The following PIK3R6 variants were observed in gnomAD, a reference collection of about 807,000 sequenced individuals.
PIK3R6 encodes phosphoinositide-3-kinase regulatory subunit 6.
Under a neutral mutation model 84.9 loss-of-function variants are expected in PIK3R6, and 91 were observed. The observed-to-expected ratio is 1.07, with a 90% CI of 0.90 to 1.28. The LOEUF is 1.28. Among genes scored for constraint, PIK3R6 ranks in the 50% most tolerant of loss-of-function variants. The pLI is 0.00. For missense variants in PIK3R6, 996 were observed against 985.1 expected (o/e 1.01, Z -0.15); for synonymous variants, 416 against 411.4 (o/e 1.01, Z -0.13).
rs1233071094 is a variant in PIK3R6 at position 8,830,383 on chromosome 17, G to A, written c.803-591C>T. Among the ~76,000 whole-genome samples, 5 of 152,182 alleles carry A rather than the reference G, an allele frequency of 3.3e-5. No individual in the cohort carries two copies. The South Asian group carries it at 1.0e-3, about 32-fold the overall frequency. ...TTTTCTGACCACTCCAGTGGCCCGC[G>A]GTGGTCATTCCCTCCGAGCAGACTG... is the stretch of plus-strand genomic sequence containing the variant. On this transcript the variant is annotated intron_variant, in intron 9 of 19. Transcript: ENST00000619866.
At chr17:8,864,527 C>CTGTTTTTTTTTTTTTTTTTTTTTTTTTTT (rs1491472760) in intron 1 of PIK3R6, among the ~76,000 whole-genome samples, 1 of 126,878 alleles carries the variant, frequency 7.9e-6, no homozygotes, top group African/African-American at 3.2e-5. Context: ...TCCTTCACAG[C>CTGTTTTTTTTTTTTTTTTTTTTTTTTTTT]TCTTTTTTTT....
Position 8,803,412 on chromosome 17 carries a change from C to G in PIK3R6, c.2126G>C (p.Cys709Ser), listed in dbSNP as rs578240540. The stretch of plus-strand genomic sequence containing the variant: ...CTGGGCCCCAGAACATGGTTCTGGG[C>G]AGGGAGCAACCTCGAATCTGTGGGT... ...RDVVRFEVAP[C>S]PEPCSGAQKS... Residue 709 changes from cysteine (C) to serine (S), a missense_variant, in exon 20 of 20, where the codon TGC becomes TCC. Coordinates refer to ENST00000619866, the MANE Select transcript of PIK3R6 (RefSeq NM_001010855.4). This position sits in a 1 kb window ranked among gnomAD's most constrained non-coding sequence, Gnocchi z 5.0. 1 of 1,608,104 alleles carries G rather than the reference C, an allele frequency of 6.2e-7. No homozygotes were observed. The highest frequency in any genetic ancestry group is 1.1e-5 in the South Asian group (1 of 90,158).
intron 1 of PIK3R6, among the ~76,000 whole-genome samples, chr17:8,857,277 T>C (rs1430722709): frequency 1.3e-5 from 2 of 152,150 alleles, no homozygotes; most frequent in Non-Finnish European, 2.9e-5. Flanking sequence ...CAGTGGACAA[T>C]GAATACCTAT....
In PIK3R6 at chr17:8,862,245, T is replaced by C. The variant is rs184772649; in HGVS notation, c.-92+5284A>G. On this transcript the variant is annotated intron_variant, in intron 1 of 19. Coordinates refer to ENST00000619866, the MANE Select transcript of PIK3R6 (RefSeq NM_001010855.4). This position sits in a 1 kb window ranked among gnomAD's most constrained non-coding sequence, Gnocchi z 4.3. ...GCTCCCCATGGGAAGGGGCTCCATT[T>C]TGCTCACTGTTGAGTCCCCATTACC... Among the ~76,000 whole-genome samples the C allele has an allele frequency of 7.3e-4, 111 of 152,274 alleles. No individual in the cohort carries two copies. Among genetic ancestry groups the C allele is most frequent in the African/African-American group, 2.6e-3 (107 of 41,550 alleles).
chr17:8,835,473 AG>A lies in PIK3R6; in HGVS notation c.462-18del. The stretch of plus-strand genomic sequence containing the variant: ...AGGAACACTCTGAGGGCAGAAGCAG[AG>A]GGGAGAGGTGGGATTGATAGTAACT... On this transcript the variant is annotated intron_variant, in intron 7 of 19. Transcript: ENST00000619866. 6.5e-7 allele frequency: 1 copy of A among 1,532,724 alleles called. No individual in the cohort carries two copies. 94.9% of individuals were successfully genotyped at this position (1,532,724 alleles called of 1,614,324 possible). A position where few individuals can be genotyped will look rare whatever the true frequency, so the allele number is the denominator to read the frequency against.
At chr17:8,827,484 T>C (rs1468853446) in intron 12 of PIK3R6, among the ~76,000 whole-genome samples, 190 bp from the exon 13 acceptor site, 1 of 152,190 alleles carries the variant, frequency 6.6e-6, no homozygotes, top group Admixed American at 6.5e-5. Flanking sequence ...TTTGCTGAGG[T>C]TCACTCAGCA....
In PIK3R6 at chr17:8,803,098, G is replaced by T. The variant is rs563163408; in HGVS notation, c.*175C>A. 103 of 717,450 alleles carry T rather than the reference G, an allele frequency of 1.4e-4. 2 individuals carry two copies. In the South Asian group the frequency reaches 1.6e-3, roughly 11 times the overall value. The allele number at this position is 717,450 out of a possible 1,614,324, so 44.4% of individuals were successfully genotyped here. ...GGGCCATCCGTAGACCTCCATGTGG[G>T]CCCTTCCTCATCACAGTCCCCAGGG... On this transcript the variant is annotated 3_prime_UTR_variant, in exon 20 of 20. Transcript: ENST00000619866. The surrounding 1 kb of genome is among the most constrained non-coding windows in gnomAD (Gnocchi z 5.0).
At position 8,803,056 on chromosome 17, in the gene PIK3R6, C is replaced by G. The variant is rs2087085993; in HGVS notation, c.*217G>C. 14 of 567,680 alleles carry G rather than the reference C, an allele frequency of 2.5e-5. No individual in the cohort carries two copies. The South Asian group carries it at 2.9e-4, about 12-fold the overall frequency. 35.2% of individuals were successfully genotyped at this position (567,680 alleles called of 1,614,324 possible). ...TGGGCTTGGTGTGTATGTTCTCAAG[C>G]AGCGACAGCATTGCCTGGGCCATCC... is the stretch of plus-strand genomic sequence containing the variant. On this transcript the variant is annotated 3_prime_UTR_variant, in exon 20 of 20. Coordinates refer to ENST00000619866, the MANE Select transcript of PIK3R6 (RefSeq NM_001010855.4). The surrounding 1 kb of genome is among the most constrained non-coding windows in gnomAD (Gnocchi z 5.0).
At chr17:8,826,769 A>C (rs1459841056) in intron 13 of PIK3R6, among the ~76,000 whole-genome samples, 1 of 152,182 alleles carries the variant, frequency 6.6e-6, no homozygotes, top group Non-Finnish European at 1.5e-5. Context: ...TGTTCTGCAC[A>C]TGTATCCCAG....
rs1344782685 is a variant in PIK3R6, at chr17:8,822,594, T to A, written c.1781A>T (p.Tyr594Phe). 1.2e-6 allele frequency: 2 copies of A among 1,613,956 alleles called. No individual in the cohort carries two copies. Among genetic ancestry groups the A allele is most frequent in the Admixed American group, 3.3e-5 (2 of 60,028 alleles). The change falls in exon 16 of 20, where the codon TAC becomes TTC. Residue 594 changes from tyrosine (Y) to phenylalanine (F), a missense_variant. By Grantham distance (22) the Tyr-to-Phe change is conservative. Coordinates refer to ENST00000619866, the MANE Select transcript of PIK3R6 (RefSeq NM_001010855.4). ...EGPGAELSLCYQKALLSHRPR... is the reference protein window; with the variant it reads ...EGPGAELSLCFQKALLSHRPR... ...ACGTCCATGCACACTGACCTTCTGG[T>A]AGCATAGGGAGAGCTCTGCCCCTGG...
rs772394378 is a variant in PIK3R6, at chr17:8,838,606, C to T, written c.147G>A (p.Lys49=). ...LHKKVERDPG[K]SPVLVRILLR... Reference sequence around the variant, plus strand: ...GAAGAATGCGGACCAGCACTGGGCTCTTACCGGGATCTCGCTCGACCTTCT... The same window carrying T: ...GAAGAATGCGGACCAGCACTGGGCTTTTACCGGGATCTCGCTCGACCTTCT... The change falls in exon 4 of 20, where the codon AAG becomes AAA. Residue 49 remains lysine (K), a synonymous_variant. Transcript: ENST00000619866. 1.9e-6 allele frequency: 3 copies of T among 1,607,576 alleles called. No homozygotes were observed. Among genetic ancestry groups the T allele is most frequent in the Non-Finnish European group, 2.5e-6 (3 of 1,177,096 alleles).
intron 1 of PIK3R6, among the ~76,000 whole-genome samples, chr17:8,858,702 G>A (rs2089203166): frequency 6.6e-6 from 1 of 152,074 alleles, no homozygotes; most frequent in African/African-American, 2.4e-5. Flanking sequence ...GTAGGCGAGG[G>A]TAGCCCTATC....
intron 14 of PIK3R6, 69 bp downstream of exon 14, chr17:8,823,318 T>A: frequency 8.2e-7 from 1 of 1,218,140 alleles, no homozygotes; most frequent in Non-Finnish European, 1.2e-6. Context: ...TGACCAGTGT[T>A]TCCCCAGAGC....
intron 18 of PIK3R6, among the ~76,000 whole-genome samples, chr17:8,806,937 A>G (rs775267748): frequency 2.0e-5 from 3 of 152,228 alleles, no homozygotes; most frequent in Non-Finnish European, 4.4e-5. Context: ...TCTGAGAGGA[A>G]AGCACAGCTA....
In PIK3R6 at chr17:8,829,745, A is replaced by G. The variant is rs1211195611; in HGVS notation, c.850T>C (p.Tyr284His). Residue 284 changes from tyrosine to histidine, a missense_variant, in exon 10 of 20, where the codon TAC becomes CAC. Coordinates refer to ENST00000619866, the MANE Select transcript of PIK3R6 (RefSeq NM_001010855.4). ...RPPSIPLPSP[Y>H]ITFHLWTGEE... ...CCGGTCCACAAGTGGAAGGTGATGT[A>G]GGGGCTGGGCAGGGGAATGCTTGGT... is the stretch of plus-strand genomic sequence containing the variant. 4.5e-6 allele frequency: 7 copies of G among 1,553,750 alleles called. No homozygotes were observed. The South Asian group carries it at 7.1e-5, about 16-fold the overall frequency.
At chr17:8,827,763 G>GGAGA (rs199969342) in intron 12 of PIK3R6, among the ~76,000 whole-genome samples, 1,446 of 34,472 alleles carry the variant, frequency 0.042, 65 homozygotes, top group Middle Eastern at 0.059. Context: ...GAGAGAGAGA[G>GGAGA]GAGAGAGAGA....
At chr17:8,836,111 T>C (rs2088452810) in intron 7 of PIK3R6, among the ~76,000 whole-genome samples, 1 of 152,242 alleles carries the variant, frequency 6.6e-6, no homozygotes, top group South Asian at 2.1e-4. Context: ...TCTAAGAGGC[T>C]TGGCGTCCCC....
chr17:8,812,197 C>CTGGGT, intron 18 of PIK3R6, among the ~76,000 whole-genome samples: 2 of 152,310 alleles, frequency 1.3e-5, no homozygotes, highest in Middle Eastern at 3.4e-3. Flanking sequence ...GACCTACCCC[C>CTGGGT]ATGATTCAAT....
intron 18 of PIK3R6, among the ~76,000 whole-genome samples, chr17:8,806,588 G>A (rs185459767): frequency 6.6e-6 from 1 of 152,298 alleles, no homozygotes; most frequent in Admixed American, 6.5e-5. Flanking sequence ...AGTGGAAAGG[G>A]CCAGATGCAG....
Sources: gnomAD v4.1 joint callset for allele counts (sites outside exome capture counted in the v4.1 genomes callset) on GRCh38, gnomAD v4.1.1 for gene constraint, Gnocchi (gnomAD v3.1) non-coding constraint, MANE v1.5 for transcripts, NCBI Gene and HGNC (gene_info 2026-07-23, HGNC 2026-07-21) for gene names.